The following SGPP2 variants were observed in gnomAD, a reference collection of about 807,000 sequenced individuals.
SGPP2 encodes the protein sphingosine-1-phosphate phosphatase 2.
Under a neutral mutation model 33.9 loss-of-function variants are expected in SGPP2, and 30 were observed. The observed-to-expected ratio is 0.89, with a 90% CI of 0.66 to 1.20. SGPP2 has a LOEUF of 1.20. Among genes scored for constraint, SGPP2 ranks in the 50% most tolerant of loss-of-function variants. The pLI is 0.00. For synonymous variants in SGPP2, 233 were observed against 225.0 expected (o/e 1.04, Z -0.32); for missense variants, 458 against 532.1 (o/e 0.86, Z 1.37).
rs1697959823 is a variant in SGPP2, at chr2:222,477,363, ATG to A, written c.378+2643_378+2644del. On this transcript the variant is annotated intron_variant, in intron 2 of 4. Transcript: ENST00000321276. This position sits in a 1 kb window ranked among gnomAD's most constrained non-coding sequence, Gnocchi z 6.0. ...TGTGTATAGGTGTGTATATATGTGTATGTGTGTATATAGGTGTGTATATATGT... is the reference window on the plus strand; with the variant it reads ...TGTGTATAGGTGTGTATATATGTGTATGTGTATATAGGTGTGTATATATGT... Among the ~76,000 whole-genome samples, 2 of 150,526 alleles carry A rather than the reference ATG, an allele frequency of 1.3e-5. No individual in the cohort carries two copies. Among genetic ancestry groups the A allele is most frequent in the South Asian group, 4.2e-4 (2 of 4,752 alleles).
chr2:222,486,654 G>A (rs1174414576), intron 2 of SGPP2, among the ~76,000 whole-genome samples: 4 of 152,130 alleles, frequency 2.6e-5, no homozygotes, highest in Non-Finnish European at 5.9e-5. Flanking sequence ...CTTGAGCGAA[G>A]TGTAGGCACT....
chr2:222,431,689 C>G (rs1574826995), intron 1 of SGPP2, among the ~76,000 whole-genome samples: 1 of 152,108 alleles, frequency 6.6e-6, no homozygotes, highest in African/African-American at 2.4e-5. Flanking sequence ...CCACTGAGAG[C>G]TTAGATGGCA....
At chr2:222,500,113 G>T (rs1378621132) in intron 2 of SGPP2, among the ~76,000 whole-genome samples, 1 of 152,190 alleles carries the variant, frequency 6.6e-6, no homozygotes, top group Non-Finnish European at 1.5e-5. Context: ...TCCAGGCTTG[G>T]ATACTCTGTC....
chr2:222,499,079 CA>C (rs1698327317), intron 2 of SGPP2, among the ~76,000 whole-genome samples: 1 of 152,218 alleles, frequency 6.6e-6, no homozygotes, highest in Admixed American at 6.5e-5. Context: ...TCCTCTAATT[CA>C]AATCTGGTAA....
At position 222,465,939 on chromosome 2, in the gene SGPP2, A is replaced by G. The variant is rs1697738624; in HGVS notation, c.220-8629A>G. ...CTGTGGCAAGCATCCCCAGACACAC[A>G]TTGATCACTTTGTAACCCATTTCCT... On this transcript the variant is annotated intron_variant, in intron 1 of 4. Coordinates refer to ENST00000321276, the MANE Select transcript of SGPP2 (RefSeq NM_152386.4). This position sits in a 1 kb window ranked among gnomAD's most constrained non-coding sequence, Gnocchi z 4.1. Among the ~76,000 whole-genome samples the G allele has an allele frequency of 2.0e-5, 3 of 152,234 alleles. No homozygotes were observed. Among genetic ancestry groups the G allele is most frequent in the African/African-American group, 7.2e-5 (3 of 41,538 alleles).
At chr2:222,533,012 A>C (rs779218201) in intron 4 of SGPP2, among the ~76,000 whole-genome samples, 1 of 151,972 alleles carries the variant, frequency 6.6e-6, no homozygotes, top group Non-Finnish European at 1.5e-5. Context: ...ACATTTTTTC[A>C]TGGTGAAAGG....
chr2:222,457,692 A>G (rs981756269), intron 1 of SGPP2, among the ~76,000 whole-genome samples: 5 of 152,204 alleles, frequency 3.3e-5, no homozygotes, highest in African/African-American at 4.8e-5. Flanking sequence ...CAGCCTGTCT[A>G]CTGTCTAGGA....
At chr2:222,539,639 G>A (rs1698962865) in intron 4 of SGPP2, among the ~76,000 whole-genome samples, 1 of 152,220 alleles carries the variant, frequency 6.6e-6, no homozygotes, top group African/African-American at 2.4e-5. Context: ...CCTTAGTCCT[G>A]CTGTTGGAGC....
In SGPP2 at chr2:222,525,052, G is replaced by T. The variant is rs750155997; in HGVS notation, c.648+19G>T. 7.6e-6 allele frequency: 12 copies of T among 1,583,544 alleles called. No individual in the cohort carries two copies. Among genetic ancestry groups the T allele is most frequent in the Non-Finnish European group, 8.6e-7 (1 of 1,156,740 alleles). On this transcript the variant is annotated intron_variant, in intron 4 of 4. Transcript: ENST00000321276. ...GGTCCTGGTAAGGCTTTGTGGTCAGGTCTTGTGGTGATTGTTTGAATGATA... is the reference window on the plus strand; with the variant it reads ...GGTCCTGGTAAGGCTTTGTGGTCAGTTCTTGTGGTGATTGTTTGAATGATA...
At chr2:222,462,887 A>G (rs983518801) in intron 1 of SGPP2, among the ~76,000 whole-genome samples, 20 of 152,118 alleles carry the variant, frequency 1.3e-4, no homozygotes, top group Non-Finnish European at 2.1e-4. Context: ...GGGTCGGAGG[A>G]GGTAGTCTGG....
At chr2:222,449,956 A>G (rs1697458542) in intron 1 of SGPP2, among the ~76,000 whole-genome samples, 1 of 152,118 alleles carries the variant, frequency 6.6e-6, no homozygotes, top group Non-Finnish European at 1.5e-5. Context: ...AGGTGGCAGA[A>G]TTTGTCTTTT....
At chr2:222,491,876 A>G (rs979270464) in intron 2 of SGPP2, among the ~76,000 whole-genome samples, 2 of 152,210 alleles carry the variant, frequency 1.3e-5, no homozygotes, top group Non-Finnish European at 1.5e-5. Context: ...AGTTCCTTCC[A>G]AGATACAATG....
chr2:222,530,553 T>A (rs888810063), intron 4 of SGPP2, among the ~76,000 whole-genome samples: 1 of 152,206 alleles, frequency 6.6e-6, no homozygotes, highest in Non-Finnish European at 1.5e-5. Flanking sequence ...AGTGTCAGAC[T>A]TTTTTTCTGC....
intron 1 of SGPP2, among the ~76,000 whole-genome samples, chr2:222,431,508 C>T (rs913963533): frequency 5.3e-5 from 8 of 151,964 alleles, no homozygotes; most frequent in African/African-American, 1.5e-4. Flanking sequence ...TTGCCCCCCG[C>T]CCCCCGCTCG....
intron 2 of SGPP2, chr2:222,498,452 C>G (rs1698316439): frequency 6.6e-6 from 1 of 151,844 alleles, no homozygotes; most frequent in South Asian, 2.1e-4. Context: ...GTCTCCCGGC[C>G]CAAAGAAAAC....
rs954479054 is a variant in SGPP2, at chr2:222,480,886, GA to G, written c.378+6161del. Among the ~76,000 whole-genome samples, 8 of 152,276 alleles carry G rather than the reference GA, an allele frequency of 5.3e-5. No homozygotes were observed. The South Asian group carries it at 1.5e-3, about 28-fold the overall frequency. On this transcript the variant is annotated intron_variant, in intron 2 of 4. Coordinates refer to ENST00000321276, the MANE Select transcript of SGPP2 (RefSeq NM_152386.4). ...CTAAATGCCCATCAATAATAGACTG[GA>G]TAAAGAAAAGGTGGTACATATGCAG...
At chr2:222,498,952 C>T (rs1207179512) in intron 2 of SGPP2, among the ~76,000 whole-genome samples, 1 of 152,160 alleles carries the variant, frequency 6.6e-6, no homozygotes, top group Non-Finnish European at 1.5e-5. Context: ...ATATGGAAAC[C>T]AGTATTTCTC....
chr2:222,424,594 G>T lies in SGPP2; in HGVS notation c.-9G>T. ...GGCAGCGGCGGCGGAGCGCGGCCCC[G>T]GGCACACCATGGCCGAGCTGCTGCG... On this transcript the variant is annotated 5_prime_UTR_variant, in exon 1 of 5. Coordinates refer to ENST00000321276, the MANE Select transcript of SGPP2 (RefSeq NM_152386.4). 2 of 1,275,266 alleles carry T rather than the reference G, an allele frequency of 1.6e-6. No individual in the cohort carries two copies. Among genetic ancestry groups the T allele is most frequent in the Non-Finnish European group, 2.0e-6 (2 of 1,006,578 alleles). The allele number at this position is 1,275,266 out of a possible 1,614,324, so 79.0% of individuals were successfully genotyped here.
intron 2 of SGPP2, among the ~76,000 whole-genome samples, chr2:222,521,134 A>C (rs982509888): frequency 6.6e-6 from 1 of 152,252 alleles, no homozygotes; most frequent in African/African-American, 2.4e-5. Flanking sequence ...AAGAAGTTAC[A>C]GTAAATGCAG....
Sources: gnomAD v4.1 joint callset for allele counts (sites outside exome capture counted in the v4.1 genomes callset) on GRCh38, gnomAD v4.1.1 for gene constraint, Gnocchi (gnomAD v3.1) non-coding constraint, MANE v1.5 for transcripts, NCBI Gene and HGNC (gene_info 2026-07-23, HGNC 2026-07-21) for gene names.